The following NRP1 variants were observed in gnomAD, a reference collection of about 807,000 sequenced individuals.
NRP1 encodes the protein neuropilin 1.
In NRP1, 35 loss-of-function variants were observed where a neutral mutation model predicts 106.7. That is an observed-to-expected ratio of 0.33 (90% CI 0.25 to 0.43). NRP1 has a LOEUF of 0.43. Among genes scored for constraint, NRP1 ranks in the 20% least tolerant of loss-of-function variants. The pLI is 1.00. For missense variants in NRP1, 1,024 were observed against 1,170.4 expected (o/e 0.87, Z 1.83); for synonymous variants, 437 against 417.9 (o/e 1.05, Z -0.56).
At chr10:33,262,401 C>A (rs888890813) in intron 4 of NRP1, among the ~76,000 whole-genome samples, 15 of 152,054 alleles carry the variant, frequency 9.9e-5, no homozygotes, top group Non-Finnish European at 2.1e-4. Context: ...ATGTCATTTT[C>A]TTTAATAAGG....
At chr10:33,287,279 G>A (rs1350276619) in intron 2 of NRP1, among the ~76,000 whole-genome samples, 5 of 152,134 alleles carry the variant, frequency 3.3e-5, no homozygotes, top group African/African-American at 9.7e-5. Flanking sequence ...TGACAGGCAC[G>A]TTAAACACAG....
Position 33,178,779 on chromosome 10 carries a change from A to T in NRP1, c.*1297T>A, listed in dbSNP as rs905702979. On this transcript the variant is annotated 3_prime_UTR_variant, in exon 17 of 17. Transcript: ENST00000374867. ...CTACTAAATGCCAACATTTCTATCA[A>T]AGGTCATTTTGAATAGAATAGATAA... The T allele has an allele frequency of 6.6e-6, 1 of 152,650 alleles. No individual in the cohort carries two copies. The highest frequency in any genetic ancestry group is 1.5e-5 in the Non-Finnish European group (1 of 68,042). 9.5% of individuals were successfully genotyped at this position (152,650 alleles called of 1,614,324 possible).
In NRP1 at chr10:33,245,994, G is replaced by C. The variant is rs1288614629; in HGVS notation, c.981+8034C>G. ...GTGATGCTTCATCATCAAAATCTAA[G>C]AGGCTTTTTCAAATATCATACATTT... On this transcript the variant is annotated intron_variant, in intron 6 of 16. Transcript: ENST00000374867. Among the ~76,000 whole-genome samples the C allele has an allele frequency of 4.6e-5, 7 of 152,152 alleles. No homozygotes were observed. The East Asian group carries it at 1.3e-3, about 29-fold the overall frequency.
At position 33,213,763 on chromosome 10, in the gene NRP1, G is replaced by A. The variant is rs766040124; in HGVS notation, c.1283-46C>T. On this transcript the variant is annotated intron_variant, in intron 8 of 16. Coordinates refer to ENST00000374867, the MANE Select transcript of NRP1 (RefSeq NM_003873.7). ...GATAATGTAAAATGATTTCCTGGGC[G>A]ACTCCATGCTAAGAAATAAAATACA... The A allele has an allele frequency of 1.4e-5, 19 of 1,381,112 alleles. No individual in the cohort carries two copies. In the East Asian group the frequency reaches 2.8e-4, roughly 20 times the overall value. 85.6% of individuals were successfully genotyped at this position (1,381,112 alleles called of 1,614,324 possible).
intron 2 of NRP1, among the ~76,000 whole-genome samples, chr10:33,304,117 G>A (rs991438530): frequency 6.6e-6 from 1 of 152,102 alleles, no homozygotes; most frequent in Admixed American, 6.6e-5. Flanking sequence ...AATGTCATTT[G>A]GTTAACACAC....
chr10:33,307,168 A>G (rs1307545614), intron 2 of NRP1, among the ~76,000 whole-genome samples: 2 of 152,240 alleles, frequency 1.3e-5, no homozygotes, highest in African/African-American at 4.8e-5. Context: ...GGAATTTTGC[A>G]AAGCATGCCT....
At chr10:33,250,927 T>C (rs1841808929) in intron 6 of NRP1, among the ~76,000 whole-genome samples, 1 of 152,190 alleles carries the variant, frequency 6.6e-6, no homozygotes, top group Non-Finnish European at 1.5e-5. Context: ...AGTGTGGCTC[T>C]GTGATATGCT....
intron 2 of NRP1, among the ~76,000 whole-genome samples, chr10:33,300,787 T>C (rs1588952520): frequency 1.3e-5 from 2 of 152,312 alleles, no homozygotes; most frequent in South Asian, 4.1e-4. Flanking sequence ...CTTTGAGTTG[T>C]CCCGCCTTTA....
At chr10:33,242,716 C>T (rs996353966) in intron 6 of NRP1, among the ~76,000 whole-genome samples, 22 of 152,112 alleles carry the variant, frequency 1.4e-4, no homozygotes, top group Non-Finnish European at 2.8e-4. Flanking sequence ...TGTGAAATTT[C>T]TTGCACCTGT....
chr10:33,197,792 A>T (rs867509424), intron 11 of NRP1, 83 bp from the exon 12 acceptor site: 19 of 705,938 alleles, frequency 2.7e-5, no homozygotes, highest in Middle Eastern at 3.4e-4. Context: ...ACAAATGTCT[A>T]TCAGAGGCAA....
intron 4 of NRP1, among the ~76,000 whole-genome samples, 167 bp downstream of exon 4, chr10:33,263,479 G>A (rs2070299): frequency 0.52 from 78,824 of 151,900 alleles, 21,181 homozygotes; most frequent in African/African-American, 0.65. Context: ...AGGTCTTCTT[G>A]AGCTCAAATA....
chr10:33,219,573 T>G lies in NRP1; in HGVS notation c.1282+2146A>C, dbSNP rs560391978. ...ATGAAAATATTAGGATATGCTATTTTAGACATCTAAGTTTACATAACTAGA... is the reference window on the plus strand; with the variant it reads ...ATGAAAATATTAGGATATGCTATTTGAGACATCTAAGTTTACATAACTAGA... On this transcript the variant is annotated intron_variant, in intron 8 of 16. Transcript: ENST00000374867. Among the ~76,000 whole-genome samples the G allele has an allele frequency of 3.3e-5, 5 of 152,374 alleles. No homozygotes were observed. In the East Asian group the frequency reaches 9.6e-4, roughly 29 times the overall value.
intron 2 of NRP1, among the ~76,000 whole-genome samples, chr10:33,314,063 C>T (rs546003100): frequency 2.0e-5 from 2 of 100,874 alleles, no homozygotes; most frequent in South Asian, 6.3e-4. Context: ...TCTATTCCTC[C>T]CTCCCTCCCT....
intron 6 of NRP1, among the ~76,000 whole-genome samples, chr10:33,242,467 A>G (rs552314890): frequency 6.6e-6 from 1 of 152,316 alleles, no homozygotes; most frequent in African/African-American, 2.4e-5. Flanking sequence ...TGATTTTTAA[A>G]GGTATGTTTA....
At chr10:33,257,462 C>T (rs773694044) in intron 4 of NRP1, among the ~76,000 whole-genome samples, 1 of 152,116 alleles carries the variant, frequency 6.6e-6, no homozygotes, top group Non-Finnish European at 1.5e-5. Flanking sequence ...CATGGTGAAA[C>T]CCCGTTTCTA....
chr10:33,244,658 C>G (rs1841283004), intron 6 of NRP1, among the ~76,000 whole-genome samples: 1 of 152,100 alleles, frequency 6.6e-6, no homozygotes, highest in South Asian at 2.1e-4. Context: ...TTAATATTAT[C>G]TTTCCCATGA....
intron 6 of NRP1, among the ~76,000 whole-genome samples, chr10:33,232,638 CTTTT>C (rs71030049): frequency 2.1e-5 from 2 of 94,214 alleles, no homozygotes; most frequent in East Asian, 4.0e-4. Flanking sequence ...TTTTCTTTTC[CTTTT>C]TTTTTTTTTT....
chr10:33,235,823 A>T (rs1840509591), intron 6 of NRP1, among the ~76,000 whole-genome samples: 1 of 152,272 alleles, frequency 6.6e-6, no homozygotes, highest in South Asian at 2.1e-4. Flanking sequence ...ATGGCTGATT[A>T]CATCTCTATG....
At chr10:33,281,375 C>T (rs1844117995) in intron 2 of NRP1, among the ~76,000 whole-genome samples, 1 of 42,064 alleles carries the variant, frequency 2.4e-5, no homozygotes, top group African/African-American at 5.0e-5. Context: ...TTTAAGTGAA[C>T]TGACTTTTTT....
Sources: gnomAD v4.1 joint callset for allele counts (sites outside exome capture counted in the v4.1 genomes callset) on GRCh38, gnomAD v4.1.1 for gene constraint, MANE v1.5 for transcripts, NCBI Gene and HGNC (gene_info 2026-07-23, HGNC 2026-07-21) for gene names.